SHROOM3: variants seen among roughly 807,000 people sequenced by gnomAD.
The protein encoded by SHROOM3 is shroom family member 3.
SHROOM3 carries 47 observed loss-of-function variants against 138.6 expected under a neutral mutation model. The ratio of observed to expected loss-of-function variants is 0.34; its 90% CI spans 0.27 to 0.43. SHROOM3 has a LOEUF of 0.43. Ranked by LOEUF, SHROOM3 falls within the 20% of genes least tolerant of loss-of-function variation. SHROOM3 has a pLI of 1.00. For synonymous variants in SHROOM3, 1,062 were observed against 1,063.3 expected, an observed-to-expected ratio of 1.00 and a Z score of 0.02; for missense variants, 2,491 against 2,596.5, an observed-to-expected ratio of 0.96 and a Z score of 0.88.
chr4:76,520,974 C>T (rs1732552356), intron 1 of SHROOM3, among the ~76,000 whole-genome samples: 1 of 152,202 alleles, frequency 6.6e-6, no homozygotes, highest in Admixed American at 6.5e-5. Context: ...GAATCATAGT[C>T]TTCTGTTGTG....
At chr4:76,751,692 A>T (rs1362338684) in intron 6 of SHROOM3, among the ~76,000 whole-genome samples, 2 of 152,224 alleles carry the variant, frequency 1.3e-5, no homozygotes, top group Admixed American at 6.5e-5. Context: ...TGGCAGACAC[A>T]TGGCCAACAA....
chr4:76,547,655 C>T (rs1185285465), intron 1 of SHROOM3, among the ~76,000 whole-genome samples: 4 of 152,100 alleles, frequency 2.6e-5, no homozygotes, highest in Admixed American at 1.3e-4. Context: ...CATGGCCAGG[C>T]GCGGCGGCTC....
intron 2 of SHROOM3, among the ~76,000 whole-genome samples, chr4:76,686,173 C>T (rs1029938211): frequency 1.3e-5 from 2 of 152,132 alleles, no homozygotes; most frequent in Admixed American, 1.3e-4. Context: ...GCCACCACGC[C>T]TGGCTAATTT....
rs1730552580 is a variant in SHROOM3 at position 76,435,903 on chromosome 4, C to T, written c.-150C>T. 1.4e-6 allele frequency: 1 copy of T among 692,238 alleles called. No individual in the cohort carries two copies. The highest frequency in any genetic ancestry group is 2.4e-6 in the Non-Finnish European group (1 of 420,588). The allele number at this position is 692,238 out of a possible 1,614,324, so 42.9% of individuals were successfully genotyped here. A position where few individuals can be genotyped will look rare whatever the true frequency, so the allele number is the denominator to read the frequency against. ...CATCTTGGAGTTCAGCTTGGAAGAACATTTTACGTATGGAAGAATTTGCTT... is the reference window on the plus strand; with the variant it reads ...CATCTTGGAGTTCAGCTTGGAAGAATATTTTACGTATGGAAGAATTTGCTT... On this transcript the variant is annotated 5_prime_UTR_variant, in exon 1 of 11. Transcript: ENST00000296043.
chr4:76,754,783 G>A lies in SHROOM3; in HGVS notation c.4300G>A (p.Ala1434Thr). The change falls in exon 7 of 11, where the codon GCC becomes ACC. Residue 1434 changes from alanine (A) to threonine (T), a missense_variant. This residue lies in a region of SHROOM3 where 1,733 missense variants were observed against 1,661.6 expected (regional missense o/e 1.04). Transcript: ENST00000296043. ...QWPPPSRAKW[A>T]HAAREDSLPE... ...GCCACCTCCTTCTCGAGCAAAGTGG[G>A]CCCACGCAGCCAGAGAGGACAGCCT... The A allele has an allele frequency of 1.2e-6, 2 of 1,614,148 alleles. No homozygotes were observed. The highest frequency in any genetic ancestry group is 2.2e-5 in the South Asian group (2 of 91,088).
At chr4:76,705,492 G>C (rs1362054485) in intron 2 of SHROOM3, among the ~76,000 whole-genome samples, 2 of 152,170 alleles carry the variant, frequency 1.3e-5, no homozygotes, top group Admixed American at 6.5e-5. Context: ...GCAAGACCCT[G>C]TCTCAAAAAC....
intron 2 of SHROOM3, among the ~76,000 whole-genome samples, chr4:76,612,729 G>A (rs891015576): frequency 4.6e-5 from 7 of 152,064 alleles, no homozygotes; most frequent in East Asian, 1.9e-4. Flanking sequence ...CATTCAGCCC[G>A]GTAGTTTGAG....
intron 2 of SHROOM3, among the ~76,000 whole-genome samples, chr4:76,656,187 G>A (rs766326019): frequency 1.4e-4 from 22 of 152,102 alleles, no homozygotes; most frequent in Admixed American, 3.9e-4. Flanking sequence ...AGTATTTTTA[G>A]TGTATTTGTG....
At chr4:76,478,784 C>T (rs992117763) in intron 1 of SHROOM3, among the ~76,000 whole-genome samples, 6 of 152,214 alleles carry the variant, frequency 3.9e-5, no homozygotes, top group Admixed American at 6.5e-5. Context: ...GAGGAAGGAA[C>T]AGGCAGCAAT....
Position 76,756,651 on chromosome 4 carries a change from C to G in SHROOM3, c.4912C>G (p.Gln1638Glu). 1.2e-6 allele frequency: 2 copies of G among 1,614,006 alleles called. No individual in the cohort carries two copies. The highest frequency in any genetic ancestry group is 1.3e-5 in the African/African-American group (1 of 74,954). Residue 1638 changes from glutamine (Q) to glutamate (E), a missense_variant, in exon 8 of 11, where the codon CAA becomes GAA. By Grantham distance (29) the Gln-to-Glu change is conservative (BLOSUM62 2). This residue lies in a region of SHROOM3 where 470 missense variants were observed against 595.0 expected (regional missense o/e 0.79). Coordinates refer to ENST00000296043, the MANE Select transcript of SHROOM3 (RefSeq NM_020859.4). ...TGGGCAGCCAGCACCCATCCAGACT[C>G]AAAGCCTCAGCCATGATCCAGTCAG... ...LGGQPAPIQT[Q>E]SLSHDPVSGT...
chr4:76,768,796 G>A (rs1156409406), intron 9 of SHROOM3, among the ~76,000 whole-genome samples: 4 of 152,164 alleles, frequency 2.6e-5, no homozygotes, highest in Non-Finnish European at 5.9e-5. Context: ...TTACAGGCAT[G>A]AGCCACTGCG....
intron 3 of SHROOM3, among the ~76,000 whole-genome samples, chr4:76,723,415 T>A (rs1465472192): frequency 6.6e-6 from 1 of 152,218 alleles, no homozygotes; most frequent in Non-Finnish European, 1.5e-5. Flanking sequence ...CCTAGCTCTT[T>A]GCATGGTTAA....
At chr4:76,735,868 A>AAAAAAATATCTATATATATATAT in intron 4 of SHROOM3, among the ~76,000 whole-genome samples, 1 of 18,812 alleles carries the variant, frequency 5.3e-5, no homozygotes, top group South Asian at 3.0e-3. Flanking sequence ...AAAAAAAAAA[A>AAAAAAATATCTATATATATATAT]ATATATATAT....
intron 1 of SHROOM3, among the ~76,000 whole-genome samples, chr4:76,539,197 C>G (rs1733044452): frequency 6.6e-6 from 1 of 152,124 alleles, no homozygotes; most frequent in East Asian, 1.9e-4. Flanking sequence ...GTGTCAAACT[C>G]CAAACAGATA....
rs3821978 is a variant in SHROOM3, at chr4:76,754,047, C to T, written c.3828-264C>T. On this transcript the variant is annotated intron_variant, in intron 6 of 10. Coordinates refer to ENST00000296043, the MANE Select transcript of SHROOM3 (RefSeq NM_020859.4). ...GCATGGTGTGTACAGGATGTGGGGG[C>T]GGTGAGAGGGTTAATAAAAGAAAAT... Among the ~76,000 whole-genome samples the T allele has an allele frequency of 0.23, 34,994 of 151,918 alleles. 4,208 individuals are homozygous for T. Among genetic ancestry groups the T allele is most frequent in the African/African-American group, 0.27 (11,072 of 41,404 alleles).
chr4:76,534,874 T>G lies in SHROOM3; in HGVS notation c.169-20735T>G, dbSNP rs541916234. Among the ~76,000 whole-genome samples, 9 of 133,114 alleles carry G rather than the reference T, an allele frequency of 6.8e-5. No individual in the cohort carries two copies. In the East Asian group the frequency reaches 2.0e-3, roughly 30 times the overall value. The allele number at this position is 133,114 out of a possible 152,430, so 87.3% of individuals were successfully genotyped here. A position where few individuals can be genotyped will look rare whatever the true frequency, so the allele number is the denominator to read the frequency against. ...TTGGCACTTAACATGACACAAGCTC[T>G]GCTGTCCTCTTTTTGACTTCCTCTT... On this transcript the variant is annotated intron_variant, in intron 1 of 10. Transcript: ENST00000296043.
Position 76,733,173 on chromosome 4 carries a change from C to T in SHROOM3, c.587+2238C>T, listed in dbSNP as rs535765539. 1.6e-4 allele frequency among the ~76,000 whole-genome samples: 25 copies of T among 152,292 alleles called. No individual in the cohort carries two copies. The South Asian group carries it at 5.0e-3, about 30-fold the overall frequency. On this transcript the variant is annotated intron_variant, in intron 4 of 10. Coordinates refer to ENST00000296043, the MANE Select transcript of SHROOM3 (RefSeq NM_020859.4). ...GGCCCTTCAGCAGAGATAAGCACTG[C>T]AATCAGTACTTAGAATGACTGCTTA...
rs371285026 is a variant in SHROOM3 at position 76,689,760 on chromosome 4, C to T, written c.324-20396C>T. The T allele has an allele frequency of 4.3e-5, 42 of 984,794 alleles. No individual in the cohort carries two copies. In the African/African-American group the frequency reaches 6.8e-4, roughly 16 times the overall value. 61.0% of individuals were successfully genotyped at this position (984,794 alleles called of 1,614,324 possible). A position where few individuals can be genotyped will look rare whatever the true frequency, so the allele number is the denominator to read the frequency against. On this transcript the variant is annotated intron_variant, in intron 2 of 10. Transcript: ENST00000296043. ...GAGGCGGGGGCCGGCCGGCTGCTTT[C>T]TGGAGCGCGTCTATTTCGGGCTCTG... is the stretch of plus-strand genomic sequence containing the variant.
In SHROOM3 at chr4:76,749,108, T is replaced by C. The variant is rs768215797; in HGVS notation, c.3827+18T>C. 1.0e-5 allele frequency: 16 copies of C among 1,604,798 alleles called. No homozygotes were observed. Among genetic ancestry groups the C allele is most frequent in the Non-Finnish European group, 1.1e-5 (13 of 1,171,514 alleles). On this transcript the variant is annotated intron_variant, in intron 6 of 10. Transcript: ENST00000296043. The stretch of plus-strand genomic sequence containing the variant: ...GGATCTAGGTATGTACATGTACTTA[T>C]GATGCTCTCTGCATATGAATGCTGC...
Sources: gnomAD v4.1 joint callset for allele counts (sites outside exome capture counted in the v4.1 genomes callset) on GRCh38, gnomAD v4.1.1 for gene constraint, gnomAD v4.1.1 regional missense constraint, MANE v1.5 for transcripts, NCBI Gene and HGNC (gene_info 2026-07-23, HGNC 2026-07-21) for gene names.